The following HAUS6 variants were observed in gnomAD, a reference collection of about 807,000 sequenced individuals.
HAUS6 encodes the protein HAUS augmin like complex subunit 6.
Under a neutral mutation model 106.8 loss-of-function variants are expected in HAUS6, and 80 were observed. The observed-to-expected ratio is 0.75, with a 90% CI of 0.63 to 0.90. The LOEUF (loss-of-function observed/expected upper bound fraction) is 0.90. Ranked by LOEUF, HAUS6 falls within the 40% of genes least tolerant of loss-of-function variation. The probability of loss-of-function intolerance (pLI) is 0.00; values close to 1 mark genes in which losing one functional copy is unlikely to be tolerated. For synonymous variants in HAUS6, 356 were observed against 379.1 expected (o/e 0.94, Z 0.71); for missense variants, 1,155 against 1,118.1 (o/e 1.03, Z -0.47).
At chr9:19,076,818 C>A in intron 10 of HAUS6, 114 bp from the exon 11 acceptor site, 1 of 624,742 alleles carries the variant, frequency 1.6e-6, no homozygotes, top group Non-Finnish European at 2.9e-6. Context: ...TCAGAATTAC[C>A]AAGAATGTAT....
intron 1 of HAUS6, 118 bp downstream of exon 1, chr9:19,102,406 G>T (rs1818008962): frequency 8.9e-7 from 1 of 1,125,606 alleles, no homozygotes; most frequent in Non-Finnish European, 1.3e-6. Context: ...CCAATGCCTG[G>T]CACAGAGTAA....
intron 1 of HAUS6, among the ~76,000 whole-genome samples, chr9:19,101,844 A>G (rs1040094888): frequency 1.3e-5 from 2 of 151,974 alleles, no homozygotes; most frequent in Non-Finnish European, 2.9e-5. Context: ...CGCTTGAACC[A>G]GGGAGTTGGA....
intron 2 of HAUS6, among the ~76,000 whole-genome samples, chr9:19,096,331 G>T (rs966349341): frequency 1.3e-5 from 2 of 152,064 alleles, no homozygotes; most frequent in African/African-American, 4.8e-5. Flanking sequence ...TTGGGAGGCC[G>T]AGGCAGGTGG....
At chr9:19,073,018 G>C (rs1836912075) in intron 11 of HAUS6, among the ~76,000 whole-genome samples, 2 of 152,012 alleles carry the variant, frequency 1.3e-5, no homozygotes, top group Non-Finnish European at 2.9e-5. Flanking sequence ...TTAAAAAAGA[G>C]GAAGAACAAT....
chr9:19,064,131 G>C (rs13287517), intron 12 of HAUS6, among the ~76,000 whole-genome samples: 68,071 of 151,830 alleles, frequency 0.45, 16,600 homozygotes, highest in African/African-American at 0.66. Context: ...CAACACCTGA[G>C]TAATTTTGTC....
rs1392767352 is a variant in HAUS6 at position 19,086,781 on chromosome 9, T to C, written c.652A>G (p.Met218Val). 25 of 1,155,152 alleles carry C rather than the reference T, an allele frequency of 2.2e-5. No individual in the cohort carries two copies. Among genetic ancestry groups the C allele is most frequent in the Non-Finnish European group, 2.9e-5 (23 of 782,676 alleles). 71.6% of individuals were successfully genotyped at this position (1,155,152 alleles called of 1,614,324 possible). Residue 218 changes from methionine (M) to valine (V), a missense_variant and splice_region_variant, in exon 7 of 17, where the codon ATG (methionine) becomes GTG (valine). Physicochemically the swap from Met to Val is conservative, Grantham distance 21 (BLOSUM62 1). Around this residue, in one of 3 missense-constraint regions of HAUS6, gnomAD observed 761 missense variants for 690.0 expected, o/e 1.10. Coordinates refer to ENST00000380502, the MANE Select transcript of HAUS6 (RefSeq NM_017645.5). ...TTACTGTGGTCATCATAGGGTTCCATTCTAATAAAAATTAAATAATCTAAT... is the reference window on the plus strand; with the variant it reads ...TTACTGTGGTCATCATAGGGTTCCACTCTAATAAAAATTAAATAATCTAAT... ...CIGLENQIKK[M>V]EPYDDHSNME...
chr9:19,092,152 A>G (rs972924366), intron 4 of HAUS6, among the ~76,000 whole-genome samples: 1 of 152,062 alleles, frequency 6.6e-6, no homozygotes, highest in Admixed American at 6.6e-5. Flanking sequence ...TATCCATACA[A>G]TAGTGATAAA....
rs556513596 is a variant in HAUS6, at chr9:19,060,540, C to G, written c.1630-317G>C. On this transcript the variant is annotated intron_variant, in intron 14 of 16. Transcript: ENST00000380502. ...GTTGTGCAGTGACCTAAGCTGCTGT[C>G]TGCCACAACTGTGAGCTTGACAGCT... is the stretch of plus-strand genomic sequence containing the variant. Among the ~76,000 whole-genome samples, 3 of 152,356 alleles carry G rather than the reference C, an allele frequency of 2.0e-5. No individual in the cohort carries two copies. The South Asian group carries it at 6.2e-4, about 32-fold the overall frequency.
intron 1 of HAUS6, 132 bp downstream of exon 1, chr9:19,102,392 G>T: frequency 1.0e-6 from 1 of 992,302 alleles, no homozygotes; most frequent in Non-Finnish European, 1.5e-6. Flanking sequence ...TAGGAACTTT[G>T]GAGCCAATGC....
At chr9:19,079,773 C>T (rs926157794) in intron 9 of HAUS6, among the ~76,000 whole-genome samples, 1 of 151,152 alleles carries the variant, frequency 6.6e-6, no homozygotes, top group African/African-American at 2.4e-5. Flanking sequence ...CGTGATGGCG[C>T]GTGCCTGTAA....
intron 7 of HAUS6, among the ~76,000 whole-genome samples, chr9:19,084,469 C>G (rs1166551876): frequency 2.0e-5 from 3 of 152,032 alleles, no homozygotes; most frequent in Non-Finnish European, 4.4e-5. Flanking sequence ...GAAAATTTGT[C>G]AAGCTATATA....
At chr9:19,097,593 G>A (rs1307014616) in intron 1 of HAUS6, among the ~76,000 whole-genome samples, 1 of 152,006 alleles carries the variant, frequency 6.6e-6, no homozygotes, top group East Asian at 1.9e-4. Context: ...TAAAAAGTCA[G>A]GAAACAACAG....
chr9:19,063,300 A>AAC, intron 13 of HAUS6, 107 bp from the exon 14 acceptor site: 1 of 760,570 alleles, frequency 1.3e-6, no homozygotes, highest in Non-Finnish European at 2.1e-6. Flanking sequence ...AAAGGTTGTT[A>AAC]ATACTATTGT....
In HAUS6 at chr9:19,090,898, T is replaced by C. The variant is rs75786499; in HGVS notation, c.437-1339A>G. Among the ~76,000 whole-genome samples, 158 of 152,290 alleles carry C rather than the reference T, an allele frequency of 1.0e-3. 1 individual carries two copies. The East Asian group carries it at 0.022, about 22-fold the overall frequency. ...AGTTCAGGTTTTTACCTGTAATAAATCCTACTTTAACATGGTTCAATACAA... is the reference window on the plus strand; with the variant it reads ...AGTTCAGGTTTTTACCTGTAATAAACCCTACTTTAACATGGTTCAATACAA... On this transcript the variant is annotated intron_variant, in intron 4 of 16. Transcript: ENST00000380502.
chr9:19,099,890 A>G (rs1683811198), intron 1 of HAUS6, among the ~76,000 whole-genome samples: 1 of 152,156 alleles, frequency 6.6e-6, no homozygotes, highest in Non-Finnish European at 1.5e-5. Context: ...TCTCTACAAA[A>G]AGAATAGAAT....
chr9:19,072,911 A>G (rs1339537124), intron 11 of HAUS6, among the ~76,000 whole-genome samples: 1 of 152,192 alleles, frequency 6.6e-6, no homozygotes, highest in Non-Finnish European at 1.5e-5. Context: ...AAACAATCAC[A>G]TGTAATGAAC....
At chr9:19,100,107 T>C (rs556988156) in intron 1 of HAUS6, among the ~76,000 whole-genome samples, 95 of 152,214 alleles carry the variant, frequency 6.2e-4, no homozygotes, top group African/African-American at 2.1e-3. Flanking sequence ...AGGCAGAGAA[T>C]TGCTTGAACC....
chr9:19,061,028 G>C (rs1836604471), intron 14 of HAUS6, among the ~76,000 whole-genome samples: 2 of 152,292 alleles, frequency 1.3e-5, no homozygotes, highest in South Asian at 4.1e-4. Flanking sequence ...GCTGGGCATG[G>C]TGGCGCATGC....
At chr9:19,093,341 T>C in intron 3 of HAUS6, 38 bp from the exon 4 acceptor site, 1 of 1,540,726 alleles carries the variant, frequency 6.5e-7, no homozygotes, top group Non-Finnish European at 8.9e-7. Context: ...GAAGACCTTG[T>C]TAACAATAAC....
Sources: gnomAD v4.1 joint callset for allele counts (sites outside exome capture counted in the v4.1 genomes callset) on GRCh38, gnomAD v4.1.1 for gene constraint, gnomAD v4.1.1 regional missense constraint, MANE v1.5 for transcripts, NCBI Gene and HGNC (gene_info 2026-07-23, HGNC 2026-07-21) for gene names.